Variants in MYO1H observed in about 807,000 individuals in gnomAD.
The protein encoded by MYO1H is unconventional myosin-Ih.
Under a neutral mutation model 149.3 loss-of-function variants are expected in MYO1H, and 118 were observed. That is an observed-to-expected ratio of 0.79 (90% CI 0.68 to 0.92). The LOEUF is 0.92. MYO1H is among the 40% of genes least tolerant of loss of function. The pLI is 0.00. For missense variants in MYO1H, 1,212 were observed against 1,280.7 expected, an observed-to-expected ratio of 0.95 and a Z score of 0.82; for synonymous variants, 447 against 465.2, an observed-to-expected ratio of 0.96 and a Z score of 0.50.
chr12:109,321,588 T>C, the MYO1H span, among the ~76,000 whole-genome samples: 16 of 152,046 alleles, frequency 1.1e-4, no homozygotes, highest in African/African-American at 3.1e-4. Context: ...ATGGAAAAGA[T>C]AGGAAACTCG....
chr12:109,443,680 A>G, intron 28 of MYO1H, 31 bp downstream of exon 28: 1 of 1,610,476 alleles, frequency 6.2e-7, no homozygotes, highest in Admixed American at 1.7e-5. Flanking sequence ...AAAACAATGC[A>G]CTGAGTTGAC....
the MYO1H span, among the ~76,000 whole-genome samples, chr12:109,321,817 C>T: frequency 6.6e-6 from 1 of 152,102 alleles, no homozygotes; most frequent in African/African-American, 2.4e-5. Flanking sequence ...AATAGACATA[C>T]AGGGAAAATT....
At chr12:109,430,752 C>G (rs1232633164) in intron 19 of MYO1H, among the ~76,000 whole-genome samples, 3 of 151,972 alleles carry the variant, frequency 2.0e-5, no homozygotes, top group Non-Finnish European at 4.4e-5. Flanking sequence ...GTGGAGAAAC[C>G]CTGTCTCTAC....
At chr12:109,337,780 A>G in the MYO1H span, among the ~76,000 whole-genome samples, 1 of 152,144 alleles carries the variant, frequency 6.6e-6, no homozygotes, top group Admixed American at 6.5e-5. Context: ...TTTTGGGAGG[A>G]GTGAAACCTG....
At chr12:109,342,080 C>G in the MYO1H span, among the ~76,000 whole-genome samples, 16 of 150,538 alleles carry the variant, frequency 1.1e-4, no homozygotes, top group Admixed American at 1.1e-3. Flanking sequence ...TCAGTAAAAT[C>G]AGTATGTTTT....
chr12:109,414,493 A>AG (rs1870818180), intron 14 of MYO1H, among the ~76,000 whole-genome samples: 1 of 132,484 alleles, frequency 7.5e-6, no homozygotes, highest in East Asian at 2.0e-4. Context: ...AAAAAAAAAA[A>AG]GAAAGAAAAA....
intron 18 of MYO1H, among the ~76,000 whole-genome samples, chr12:109,427,028 A>G (rs890787275): frequency 6.6e-5 from 10 of 152,070 alleles, no homozygotes; most frequent in South Asian, 2.1e-4. Context: ...AAAAAGCACA[A>G]TTGGGCTGGG....
At chr12:109,445,949 C>A in intron 31 of MYO1H, 4 of 985,386 alleles carry the variant, frequency 4.1e-6, no homozygotes, top group East Asian at 1.1e-4. Context: ...AACTTCCCCC[C>A]ACGTGGAAAT....
At chr12:109,396,730 G>GGA (rs1177972389) in intron 4 of MYO1H, 148 bp downstream of exon 4, 1 of 573,928 alleles carries the variant, frequency 1.7e-6, no homozygotes, top group Non-Finnish European at 2.8e-6. Context: ...GGTGTGACCT[G>GGA]GAACTAAGCC....
intron 19 of MYO1H, among the ~76,000 whole-genome samples, chr12:109,430,897 G>T (rs1871582577): frequency 1.3e-5 from 2 of 152,110 alleles, no homozygotes; most frequent in South Asian, 4.1e-4. Context: ...CTGCACTCCA[G>T]TCTGGGTGAC....
At chr12:109,414,476 C>CA (rs1158287635) in intron 14 of MYO1H, among the ~76,000 whole-genome samples, 6,596 of 56,480 alleles carry the variant, frequency 0.12, 291 homozygotes, top group East Asian at 0.17. Flanking sequence ...GACTCCATCT[C>CA]AAAAAAAAAA....
chr12:109,327,055 TCTTC>T, the MYO1H span, among the ~76,000 whole-genome samples: 1 of 151,880 alleles, frequency 6.6e-6, no homozygotes, highest in Admixed American at 6.6e-5. Flanking sequence ...AGGAGGGAAC[TCTTC>T]CTTTATGCTA....
At chr12:109,404,155 G>A (rs1870279648) in intron 7 of MYO1H, 75 bp downstream of exon 7, 2 of 1,102,288 alleles carry the variant, frequency 1.8e-6, no homozygotes, top group Non-Finnish European at 2.7e-6. Context: ...GGTGTTTGCA[G>A]AATACAGTGG....
At chr12:109,326,513 A>G in the MYO1H span, among the ~76,000 whole-genome samples, 1 of 108,150 alleles carries the variant, frequency 9.2e-6, no homozygotes, top group African/African-American at 3.7e-5. Context: ...ATTTTATTTT[A>G]TTTTATTTTA....
rs1168840323 is a variant in MYO1H, at chr12:109,441,770, G to C, written c.2632+62G>C. The C allele has an allele frequency of 2.4e-6, 3 of 1,228,430 alleles. No homozygotes were observed. The African/African-American group carries it at 4.5e-5, about 18-fold the overall frequency. The allele number at this position is 1,228,430 out of a possible 1,614,324, so 76.1% of individuals were successfully genotyped here. On this transcript the variant is annotated intron_variant, in intron 26 of 31. Coordinates refer to ENST00000310903, the Ensembl canonical transcript of MYO1H. ...AATTCTAAAAGGAGTTAAAGGGTGG[G>C]GTGCGGTGGCTCATGCCCATAATCT...
At chr12:109,345,368 T>C (rs2048099653), upstream of MYO1H, among the ~76,000 whole-genome samples, 1 of 152,216 alleles carries the variant, frequency 6.6e-6, no homozygotes, top group Non-Finnish European at 1.5e-5. Flanking sequence ...TTAGCATCGT[T>C]AGTCATCAGT....
At position 109,413,431 on chromosome 12, in the gene MYO1H, C is replaced by G. The variant is rs115439181; in HGVS notation, c.1502+1446C>G. ...ACTTAGTAAATGGTGGTGGCTTTCT[C>G]AGACCTGTTGTAGAATACTGAAAGG... On this transcript the variant is annotated intron_variant, in intron 14 of 31. Coordinates refer to ENST00000310903, the Ensembl canonical transcript of MYO1H. Among the ~76,000 whole-genome samples the G allele has an allele frequency of 5.4e-3, 828 of 152,232 alleles. 13 individuals are homozygous for G. The highest frequency in any genetic ancestry group is 0.019 in the African/African-American group (797 of 41,536).
chr12:109,312,096 C>T, the MYO1H span, among the ~76,000 whole-genome samples: 3 of 152,210 alleles, frequency 2.0e-5, 1 homozygote, highest in South Asian at 6.2e-4. Context: ...CTGGGAACAC[C>T]AGTTCCTCAC....
Position 109,409,601 on chromosome 12 carries a change from G to GT in MYO1H, c.1203dup (p.Glu402Ter). The GT allele has an allele frequency of 6.2e-7, 1 of 1,613,686 alleles. No homozygotes were observed. The highest frequency in any genetic ancestry group is 1.1e-5 in the South Asian group (1 of 91,076). On this transcript the variant is annotated frameshift_variant, in exon 11 of 32. Transcript: ENST00000310903. LOFTEE classifies it high-confidence loss of function. ...TAATTGGATTACTGGACATCTATGG[G>GT]TTTGAAGTCTTTGACAAGAATGGGT...
Sources: gnomAD v4.1 joint callset for allele counts (sites outside exome capture counted in the v4.1 genomes callset) on GRCh38, gnomAD v4.1.1 for gene constraint, MANE v1.5 for transcripts, NCBI Gene and HGNC (gene_info 2026-07-23, HGNC 2026-07-21) for gene names.